The following KCND2 variants were observed in gnomAD, a reference collection of about 807,000 sequenced individuals.
KCND2 encodes potassium voltage-gated channel subfamily D member 2.
Under a neutral mutation model 54.4 loss-of-function variants are expected in KCND2, and 16 were observed. The observed-to-expected ratio is 0.29, with a 90% CI of 0.20 to 0.45. The LOEUF is 0.45. KCND2 is among the 20% of genes least tolerant of loss of function. The pLI, the probability that KCND2 is intolerant of heterozygous loss-of-function variation, is 1.00. For synonymous variants in KCND2, 317 were observed against 310.7 expected, an observed-to-expected ratio of 1.02 and a Z score of -0.21; for missense variants, 486 against 824.2, an observed-to-expected ratio of 0.59 and a Z score of 5.02.
intron 1 of KCND2, among the ~76,000 whole-genome samples, chr7:120,626,546 A>G (rs1268523419): frequency 6.6e-6 from 1 of 152,180 alleles, no homozygotes; most frequent in Non-Finnish European, 1.5e-5. Context: ...GTCAATCAAC[A>G]CTATTTAAGT....
chr7:120,570,086 T>C (rs1373622871), intron 1 of KCND2, among the ~76,000 whole-genome samples: 1 of 152,216 alleles, frequency 6.6e-6, no homozygotes, highest in African/African-American at 2.4e-5. Flanking sequence ...TTTCCTCTTC[T>C]TAACATTGTG....
rs955824909 is a variant in KCND2 at position 120,632,039 on chromosome 7, T to G, written c.1116-100864T>G. On this transcript the variant is annotated intron_variant, in intron 1 of 5. Coordinates refer to ENST00000331113, the MANE Select transcript of KCND2 (RefSeq NM_012281.3). ...TTTTAGGTTCTTGTCATTACTCTAA[T>G]ACCCCAATTTCCTGGGAAGATAAAT... is the stretch of plus-strand genomic sequence containing the variant. Among the ~76,000 whole-genome samples the G allele has an allele frequency of 7.2e-4, 109 of 152,288 alleles. 2 individuals carry two copies. The highest frequency in any genetic ancestry group is 2.5e-3 in the African/African-American group (102 of 41,572).
chr7:120,401,459 T>A (rs1801252845), intron 1 of KCND2, among the ~76,000 whole-genome samples: 1 of 152,286 alleles, frequency 6.6e-6, no homozygotes, highest in South Asian at 2.1e-4. Context: ...TTAAAAATAC[T>A]GTACAAATTT....
intron 1 of KCND2, among the ~76,000 whole-genome samples, chr7:120,672,121 A>G (rs557084386): frequency 9.2e-5 from 14 of 152,018 alleles, no homozygotes; most frequent in Non-Finnish European, 2.1e-4. Context: ...TAGTTCTATC[A>G]TATGTTCAAC....
intron 1 of KCND2, among the ~76,000 whole-genome samples, chr7:120,591,312 C>T (rs913375257): frequency 1.3e-5 from 2 of 152,082 alleles, no homozygotes; most frequent in East Asian, 1.9e-4. Context: ...TAAGTATCAT[C>T]GGTAGTGAAA....
intron 1 of KCND2, among the ~76,000 whole-genome samples, chr7:120,632,600 T>C (rs980866139): frequency 1.3e-5 from 2 of 152,218 alleles, no homozygotes; most frequent in Admixed American, 6.5e-5. Flanking sequence ...TCCTACACCA[T>C]GTCTGTTTGT....
intron 1 of KCND2, among the ~76,000 whole-genome samples, chr7:120,444,856 C>T (rs984767976): frequency 2.6e-5 from 4 of 152,044 alleles, no homozygotes; most frequent in South Asian, 2.1e-4. Context: ...TTGCACAATT[C>T]CCATTAACAT....
At chr7:120,412,402 C>T (rs913637295) in intron 1 of KCND2, among the ~76,000 whole-genome samples, 4 of 151,972 alleles carry the variant, frequency 2.6e-5, no homozygotes, top group Admixed American at 6.6e-5. Flanking sequence ...TTGCAGAGAG[C>T]TTAAGAATAT....
intron 1 of KCND2, among the ~76,000 whole-genome samples, chr7:120,695,212 A>T (rs1792318753): frequency 1.3e-5 from 2 of 150,894 alleles, no homozygotes; most frequent in South Asian, 2.1e-4. Flanking sequence ...TTTTATATAT[A>T]TTATATATAT....
chr7:120,643,848 A>T (rs1182157205), intron 1 of KCND2, among the ~76,000 whole-genome samples: 4 of 151,396 alleles, frequency 2.6e-5, no homozygotes, highest in African/African-American at 9.7e-5. Flanking sequence ...TACATGACAT[A>T]TTCATTTTAT....
intron 1 of KCND2, among the ~76,000 whole-genome samples, chr7:120,426,850 G>A (rs552917663): frequency 9.9e-5 from 15 of 152,168 alleles, no homozygotes; most frequent in Admixed American, 9.2e-4. Context: ...TCGATCTCCT[G>A]ACCTCGTGAT....
At chr7:120,571,555 A>T (rs543444166) in intron 1 of KCND2, among the ~76,000 whole-genome samples, 1 of 152,316 alleles carries the variant, frequency 6.6e-6, no homozygotes, top group South Asian at 2.1e-4. Flanking sequence ...TTCTAGAAAA[A>T]CGTGAAGAGG....
chr7:120,412,980 C>A (rs1053732697), intron 1 of KCND2, among the ~76,000 whole-genome samples: 1 of 152,022 alleles, frequency 6.6e-6, no homozygotes, highest in African/African-American at 2.4e-5. Context: ...AACACAAATT[C>A]TCAGCTTTTA....
At chr7:120,292,349 A>G (rs1215907443) in intron 1 of KCND2, among the ~76,000 whole-genome samples, 2 of 151,870 alleles carry the variant, frequency 1.3e-5, no homozygotes, top group African/African-American at 4.8e-5. Context: ...AATATTATCC[A>G]AATACCTTTT....
intron 1 of KCND2, among the ~76,000 whole-genome samples, chr7:120,696,528 G>C (rs118118753): frequency 6.6e-6 from 1 of 152,188 alleles, no homozygotes; most frequent in African/African-American, 2.4e-5. Context: ...TGGTTTGAAC[G>C]TGTTCTCCAA....
At chr7:120,545,874 A>C (rs974110625) in intron 1 of KCND2, among the ~76,000 whole-genome samples, 12 of 151,822 alleles carry the variant, frequency 7.9e-5, no homozygotes, top group Non-Finnish European at 1.8e-4. Context: ...GTTCAAAAAA[A>C]AAAGAAGAAG....
intron 2 of KCND2, among the ~76,000 whole-genome samples, chr7:120,739,823 A>ACACG (rs1792918497): frequency 1.3e-5 from 2 of 149,460 alleles, no homozygotes; most frequent in East Asian, 3.9e-4. Flanking sequence ...ACACACACAC[A>ACACG]CACACACACG....
chr7:120,351,515 G>A (rs1010270915), intron 1 of KCND2, among the ~76,000 whole-genome samples: 2 of 151,390 alleles, frequency 1.3e-5, no homozygotes, highest in Admixed American at 6.6e-5. Context: ...GCACCAGGAA[G>A]AAGCATGCAG....
intron 1 of KCND2, among the ~76,000 whole-genome samples, chr7:120,360,450 T>C (rs1800577220): frequency 6.6e-6 from 1 of 152,036 alleles, no homozygotes; most frequent in African/African-American, 2.4e-5. Context: ...ATATTTTGCC[T>C]CAATGTTTGA....
Sources: allele counts gnomAD v4.1 joint callset (sites outside exome capture counted in the v4.1 genomes callset), GRCh38; gene constraint gnomAD v4.1.1; transcripts MANE v1.5; gene names NCBI Gene and HGNC (gene_info 2026-07-23, HGNC 2026-07-21).